Variants in CDC123 observed in about 807,000 individuals in gnomAD.
The protein encoded by CDC123 is translation initiation factor eIF2 assembly protein.
CDC123 carries 37 observed loss-of-function variants against 54.4 expected under a neutral mutation model. The observed-to-expected ratio is 0.68, with a 90% confidence interval of 0.52 to 0.89. The LOEUF (loss-of-function observed/expected upper bound fraction) is 0.89, where lower values mean the gene tolerates loss of function less well. Ranked by LOEUF, CDC123 falls within the 40% of genes least tolerant of loss-of-function variation. CDC123 has a pLI of 0.00. For synonymous variants in CDC123, 144 were observed against 136.8 expected, an observed-to-expected ratio of 1.05 and a Z score of -0.37; for missense variants, 361 against 412.1, an observed-to-expected ratio of 0.88 and a Z score of 1.07.
At chr10:12,205,766 G>A (rs1039384869) in intron 2 of CDC123, among the ~76,000 whole-genome samples, 4 of 151,892 alleles carry the variant, frequency 2.6e-5, no homozygotes, top group Non-Finnish European at 5.9e-5. Flanking sequence ...GCATGCAGAG[G>A]GTTACCTTAG....
In CDC123 at chr10:12,250,366, G is replaced by A; in HGVS notation, c.*29G>A. 1 of 1,575,202 alleles carries A rather than the reference G, an allele frequency of 6.3e-7. No homozygotes were observed. The highest frequency in any genetic ancestry group is 8.7e-7 in the Non-Finnish European group (1 of 1,145,228). On this transcript the variant is annotated 3_prime_UTR_variant, in exon 13 of 13. Coordinates refer to ENST00000281141, the MANE Select transcript of CDC123 (RefSeq NM_006023.3). ...GCGTACTGGAACTGGAGAAGAGGAG[G>A]CCCCGCCCCACCGCTCCGGGAGCTG...
At chr10:12,249,868 T>A in intron 12 of CDC123, 150 bp downstream of exon 12, 2 of 1,046,134 alleles carry the variant, frequency 1.9e-6, no homozygotes, top group Non-Finnish European at 2.6e-6. Flanking sequence ...ATTTTCTAAT[T>A]AAATATGAAA....
intron 2 of CDC123, among the ~76,000 whole-genome samples, chr10:12,200,327 A>G (rs12248718): frequency 0.29 from 42,739 of 147,746 alleles, 6,264 homozygotes; most frequent in East Asian, 0.5. Context: ...GGGTTTCACC[A>G]TGTTGGCCGG....
At chr10:12,236,716 C>T (rs915118019) in intron 8 of CDC123, among the ~76,000 whole-genome samples, 1 of 151,912 alleles carries the variant, frequency 6.6e-6, no homozygotes, top group Non-Finnish European at 1.5e-5. Flanking sequence ...ATGGTGAAAC[C>T]CCATCTCTGC....
intron 7 of CDC123, among the ~76,000 whole-genome samples, chr10:12,233,740 TAATA>T (rs1307287397): frequency 2.6e-5 from 4 of 152,122 alleles, no homozygotes; most frequent in Non-Finnish European, 5.9e-5. Context: ...TAAGAGCTTA[TAATA>T]AATGAAAAAT....
Position 12,225,375 on chromosome 10 carries a change from C to T in CDC123, c.441-5573C>T, listed in dbSNP as rs529669876. 3.2e-4 allele frequency among the ~76,000 whole-genome samples: 48 copies of T among 152,048 alleles called. 1 individual carries two copies. The South Asian group carries it at 8.7e-3, about 28-fold the overall frequency. ...GTGCCACTGCGCTCCAGCCTGGCCA[C>T]GGAGTGAGACTCTGTCTCAAAAAAA... On this transcript the variant is annotated intron_variant, in intron 6 of 12. Transcript: ENST00000281141.
At chr10:12,218,674 T>C (rs142193847) in intron 6 of CDC123, among the ~76,000 whole-genome samples, 1 of 152,368 alleles carries the variant, frequency 6.6e-6, no homozygotes, top group East Asian at 1.9e-4. Flanking sequence ...ACCTACCCTC[T>C]GTTCTTCCAG....
At chr10:12,197,893 C>T (rs545497825) in intron 1 of CDC123, among the ~76,000 whole-genome samples, 73 of 152,190 alleles carry the variant, frequency 4.8e-4, no homozygotes, top group Middle Eastern at 6.8e-3. Context: ...AAAAAAACTT[C>T]TTCCATAAAT....
intron 8 of CDC123, among the ~76,000 whole-genome samples, chr10:12,236,677 G>A (rs1835980912): frequency 1.3e-5 from 2 of 151,504 alleles, no homozygotes; most frequent in African/African-American, 4.9e-5. Context: ...GGTGGATCAT[G>A]AGATCAGTTC....
chr10:12,227,864 A>G (rs551156067), intron 6 of CDC123, among the ~76,000 whole-genome samples: 1 of 152,188 alleles, frequency 6.6e-6, no homozygotes, highest in Non-Finnish European at 1.5e-5. Context: ...GTACTTATCA[A>G]TATGCTGATC....
intron 4 of CDC123, among the ~76,000 whole-genome samples, chr10:12,214,240 C>G (rs1835636893): frequency 6.6e-6 from 1 of 152,120 alleles, no homozygotes; most frequent in Non-Finnish European, 1.5e-5. Flanking sequence ...GAATTCTTTC[C>G]CGTTGTAAAG....
At chr10:12,238,772 C>G (rs1397651235) in intron 10 of CDC123, among the ~76,000 whole-genome samples, 1 of 152,094 alleles carries the variant, frequency 6.6e-6, no homozygotes, top group African/African-American at 2.4e-5. Context: ...GTAACCCCAG[C>G]ACTTTGGGAG....
chr10:12,239,837 T>C (rs918474604), intron 10 of CDC123, among the ~76,000 whole-genome samples: 2 of 151,736 alleles, frequency 1.3e-5, no homozygotes, highest in African/African-American at 4.8e-5. Flanking sequence ...TGAAACCCTG[T>C]CTCTACTAAA....
intron 2 of CDC123, among the ~76,000 whole-genome samples, chr10:12,205,167 G>C (rs1008151031): frequency 1.3e-5 from 2 of 152,036 alleles, no homozygotes; most frequent in Non-Finnish European, 2.9e-5. Flanking sequence ...AAGTGAAAAC[G>C]TGGTGTTTGT....
chr10:12,249,086 G>A (rs573768480), intron 11 of CDC123, among the ~76,000 whole-genome samples: 16 of 150,504 alleles, frequency 1.1e-4, no homozygotes, highest in African/African-American at 3.9e-4. Flanking sequence ...CAGAGATCGT[G>A]CCCCTGCACT....
At chr10:12,247,861 G>T (rs2399798) in intron 11 of CDC123, 3 of 152,136 alleles carry the variant, frequency 2.0e-5, no homozygotes, top group African/African-American at 7.2e-5. Flanking sequence ...AAAATTAGCC[G>T]GGCGTGGTGG....
At position 12,235,137 on chromosome 10, in the gene CDC123, T is replaced by C; in HGVS notation, c.565+14T>C. The C allele has an allele frequency of 6.3e-7, 1 of 1,598,718 alleles. No individual in the cohort carries two copies. Among genetic ancestry groups the C allele is most frequent in the Non-Finnish European group, 8.5e-7 (1 of 1,169,738 alleles). On this transcript the variant is annotated intron_variant, in intron 8 of 12. Coordinates refer to ENST00000281141, the MANE Select transcript of CDC123 (RefSeq NM_006023.3). ...ACAAGCTTATTGGTGAGTTTTTGTT[T>C]GTTTGTTTGTTTTATCCTTCAAAGT... is the stretch of plus-strand genomic sequence containing the variant.
chr10:12,226,992 G>A (rs988234838), intron 6 of CDC123, among the ~76,000 whole-genome samples: 2 of 152,140 alleles, frequency 1.3e-5, no homozygotes, highest in African/African-American at 2.4e-5. Flanking sequence ...GCGAGACTCC[G>A]TCTGCAATCC....
At chr10:12,240,175 TA>T (rs1197775817) in intron 10 of CDC123, among the ~76,000 whole-genome samples, 2 of 152,196 alleles carry the variant, frequency 1.3e-5, no homozygotes, top group Non-Finnish European at 2.9e-5. Flanking sequence ...CTAGTAAAGT[TA>T]CTTACTGCTG....
Sources: gnomAD v4.1 joint callset for allele counts (sites outside exome capture counted in the v4.1 genomes callset) on GRCh38, gnomAD v4.1.1 for gene constraint, MANE v1.5 for transcripts, NCBI Gene and HGNC (gene_info 2026-07-23, HGNC 2026-07-21) for gene names.